Variants in NRXN3 observed in about 807,000 individuals in gnomAD.
NRXN3 encodes neurexin 3.
NRXN3 carries 32 observed loss-of-function variants against 137.6 expected under a neutral mutation model. That is an observed-to-expected ratio of 0.23 (90% CI 0.18 to 0.31). The LOEUF is 0.31. NRXN3 is among the 10% of genes least tolerant of loss of function. The pLI, the probability that NRXN3 is intolerant of heterozygous loss-of-function variation, is 1.00. For missense variants in NRXN3, 1,574 were observed against 2,062.5 expected (o/e 0.76, Z 4.59); for synonymous variants, 798 against 784.5 (o/e 1.02, Z -0.29).
At chr14:79,805,912 A>C (rs1423722962) in intron 20 of NRXN3, among the ~76,000 whole-genome samples, 1 of 152,164 alleles carries the variant, frequency 6.6e-6, no homozygotes, top group African/African-American at 2.4e-5. Context: ...ATTTGGACCC[A>C]GATACATTTT....
At chr14:78,849,069 A>C (rs192022904) in intron 10 of NRXN3, among the ~76,000 whole-genome samples, 2 of 152,240 alleles carry the variant, frequency 1.3e-5, no homozygotes, top group East Asian at 3.9e-4. Flanking sequence ...AAAGTGGTTT[A>C]ATATCAATTG....
chr14:78,593,217 C>T (rs975111817), intron 4 of NRXN3, among the ~76,000 whole-genome samples: 2 of 152,150 alleles, frequency 1.3e-5, no homozygotes, highest in East Asian at 1.9e-4. Flanking sequence ...AATGGTTTCC[C>T]GCCCTGTCCT....
chr14:79,245,045 G>A (rs1021520933), intron 15 of NRXN3, among the ~76,000 whole-genome samples: 8 of 152,104 alleles, frequency 5.3e-5, no homozygotes, highest in African/African-American at 1.7e-4. Context: ...TCCAGCCTGC[G>A]AGTTCTTTGG....
intron 16 of NRXN3, among the ~76,000 whole-genome samples, chr14:79,603,677 C>A (rs957011091): frequency 4.0e-5 from 6 of 151,050 alleles, no homozygotes; most frequent in Non-Finnish European, 7.4e-5. Flanking sequence ...TTAACTAGTA[C>A]CTTGCACAGA....
intron 6 of NRXN3, among the ~76,000 whole-genome samples, chr14:78,664,517 G>C (rs1401491884): frequency 6.6e-6 from 1 of 152,170 alleles, no homozygotes; most frequent in Non-Finnish European, 1.5e-5. Flanking sequence ...GTTCTTGGGA[G>C]AATGGTACAT....
chr14:78,316,288 G>T (rs1007761654), intron 4 of NRXN3, among the ~76,000 whole-genome samples: 1 of 151,878 alleles, frequency 6.6e-6, no homozygotes, highest in Non-Finnish European at 1.5e-5. Flanking sequence ...AGTTGGGGGC[G>T]GGGGTGGCAG....
At chr14:79,823,817 A>T (rs2099280127) in intron 20 of NRXN3, 1 of 364,460 alleles carries the variant, frequency 2.7e-6, no homozygotes, top group African/African-American at 2.0e-5. Flanking sequence ...TGCTGGAGGA[A>T]TTCAAAGATG....
chr14:79,568,534 C>T (rs552804191), intron 16 of NRXN3, among the ~76,000 whole-genome samples: 1 of 148,118 alleles, frequency 6.8e-6, no homozygotes, highest in South Asian at 2.1e-4. Context: ...GATGTTCTCA[C>T]TATATCTACC....
At chr14:78,217,861 A>G (rs1028315876) in intron 1 of NRXN3, among the ~76,000 whole-genome samples, 1 of 152,124 alleles carries the variant, frequency 6.6e-6, no homozygotes, top group African/African-American at 2.4e-5. Context: ...GGGTTTCACC[A>G]TGTTGACCAG....
At chr14:79,808,955 TTTTGGAG>T (rs1436723306) in intron 20 of NRXN3, among the ~76,000 whole-genome samples, 1 of 152,112 alleles carries the variant, frequency 6.6e-6, no homozygotes, top group Non-Finnish European at 1.5e-5. Flanking sequence ...AGGTAAATAT[TTTTGGAG>T]TTTGGTCAAT....
intron 20 of NRXN3, among the ~76,000 whole-genome samples, chr14:79,824,302 G>A (rs1244583239): frequency 1.3e-5 from 2 of 152,174 alleles, no homozygotes; most frequent in African/African-American, 4.8e-5. Context: ...TGTCACTGCA[G>A]CTACAAAGAT....
At chr14:78,269,203 G>A (rs2072302516) in intron 2 of NRXN3, among the ~76,000 whole-genome samples, 1 of 152,236 alleles carries the variant, frequency 6.6e-6, no homozygotes, top group Non-Finnish European at 1.5e-5. Context: ...AGGCCTCAAA[G>A]CCAGGGCTTC....
At chr14:78,976,242 T>C (rs1197653391) in intron 14 of NRXN3, among the ~76,000 whole-genome samples, 3 of 152,206 alleles carry the variant, frequency 2.0e-5, no homozygotes, top group Non-Finnish European at 4.4e-5. Context: ...AATTAGAATC[T>C]TCCTATTCCA....
chr14:79,504,984 G>C (rs779961658), intron 16 of NRXN3, among the ~76,000 whole-genome samples: 1 of 152,102 alleles, frequency 6.6e-6, no homozygotes, highest in Non-Finnish European at 1.5e-5. Context: ...GGAGGCCCAG[G>C]TGGGCAGATC....
At chr14:78,397,259 A>G (rs1041210900) in intron 4 of NRXN3, among the ~76,000 whole-genome samples, 1 of 152,156 alleles carries the variant, frequency 6.6e-6, no homozygotes, top group Admixed American at 6.5e-5. Flanking sequence ...CTTTTCAGCC[A>G]TGCCTCCTTT....
intron 16 of NRXN3, among the ~76,000 whole-genome samples, chr14:79,583,267 A>C (rs1045005442): frequency 3.9e-5 from 6 of 152,144 alleles, no homozygotes; most frequent in Admixed American, 2.0e-4. Flanking sequence ...CCTACCTCAC[A>C]AGGTTGTGGG....
At chr14:79,714,751 A>G (rs2098817709) in intron 19 of NRXN3, among the ~76,000 whole-genome samples, 1 of 152,150 alleles carries the variant, frequency 6.6e-6, no homozygotes, top group East Asian at 1.9e-4. Flanking sequence ...AGTGAGCTAC[A>G]TCCTCTTGTT....
At chr14:79,751,928 G>C (rs1308870943) in intron 19 of NRXN3, among the ~76,000 whole-genome samples, 1 of 152,110 alleles carries the variant, frequency 6.6e-6, no homozygotes, top group Non-Finnish European at 1.5e-5. Context: ...AAGCCCACTC[G>C]ATCATGGTGG....
At chr14:78,667,665 T>G (rs374585034) in intron 6 of NRXN3, among the ~76,000 whole-genome samples, 11 of 152,326 alleles carry the variant, frequency 7.2e-5, no homozygotes, top group African/African-American at 2.2e-4. Flanking sequence ...AATAATTACT[T>G]CTTCACAGAC....
Sources: gnomAD v4.1 joint callset for allele counts (sites outside exome capture counted in the v4.1 genomes callset) on GRCh38, gnomAD v4.1.1 for gene constraint, MANE v1.5 for transcripts, NCBI Gene and HGNC (gene_info 2026-07-23, HGNC 2026-07-21) for gene names.